Variants in BMPR2 observed in about 807,000 individuals in gnomAD.
BMPR2 encodes bone morphogenetic protein receptor type-2.
In BMPR2, 29 loss-of-function variants were observed where a neutral mutation model predicts 100.8. That is an observed-to-expected ratio of 0.29 (90% CI 0.21 to 0.39). The LOEUF is 0.39. BMPR2 is among the 10% of genes least tolerant of loss of function. BMPR2 has a pLI of 1.00. For missense variants in BMPR2, 1,011 were observed against 1,274.5 expected (o/e 0.79, Z 3.15); for synonymous variants, 382 against 442.3 (o/e 0.86, Z 1.71).
chr2:202,529,106 T>C (rs1206625956), intron 7 of BMPR2, among the ~76,000 whole-genome samples: 1 of 152,234 alleles, frequency 6.6e-6, no homozygotes, highest in East Asian at 1.9e-4. Context: ...AAAAAATAGA[T>C]ATAGACAACT....
chr2:202,497,897 T>G (rs193088097), intron 3 of BMPR2, among the ~76,000 whole-genome samples: 1 of 152,278 alleles, frequency 6.6e-6, no homozygotes, highest in Admixed American at 6.5e-5. Context: ...AGACATAATT[T>G]TTGCCCAAAG....
At chr2:202,477,120 CTG>C (rs1453303376) in intron 3 of BMPR2, among the ~76,000 whole-genome samples, 1 of 152,108 alleles carries the variant, frequency 6.6e-6, no homozygotes, top group African/African-American at 2.4e-5. Context: ...TATTTAGCCT[CTG>C]TGCATCAATT....
rs189607438 is a variant in BMPR2, at chr2:202,523,770, C to T, written c.967+3569C>T. ...GGTGAGCCAAGATCGTGCCATTGCACTCCAGCCTGGGCAGCAAGAGTGAAA... is the reference window on the plus strand; with the variant it reads ...GGTGAGCCAAGATCGTGCCATTGCATTCCAGCCTGGGCAGCAAGAGTGAAA... On this transcript the variant is annotated intron_variant, in intron 7 of 12. Coordinates refer to ENST00000374580, the MANE Select transcript of BMPR2 (RefSeq NM_001204.7). Among the ~76,000 whole-genome samples the T allele has an allele frequency of 1.3e-3, 203 of 152,186 alleles. 1 individual carries two copies. Among genetic ancestry groups the T allele is most frequent in the African/African-American group, 4.5e-3 (187 of 41,516 alleles).
At chr2:202,383,478 C>T (rs376505777) in intron 1 of BMPR2, among the ~76,000 whole-genome samples, 1 of 151,930 alleles carries the variant, frequency 6.6e-6, no homozygotes, top group Non-Finnish European at 1.5e-5. Flanking sequence ...GTCAGGAGTT[C>T]GAGACCAACC....
In BMPR2 at chr2:202,561,336, T is replaced by C. The variant is rs777649632; in HGVS notation, c.*1390T>C. On this transcript the variant is annotated 3_prime_UTR_variant, in exon 13 of 13. Transcript: ENST00000374580. ...CATTATCTTTGATATGTGAGCAACA[T>C]TTATTATTTACATTAGAGTATACCT... 15 of 152,162 alleles carry C rather than the reference T, an allele frequency of 9.9e-5. No individual in the cohort carries two copies. Among genetic ancestry groups the C allele is most frequent in the Non-Finnish European group, 1.9e-4 (13 of 67,992 alleles). The allele number at this position is 152,162 out of a possible 1,614,324, so 9.4% of individuals were successfully genotyped here. A position where few individuals can be genotyped will look rare whatever the true frequency, so the allele number is the denominator to read the frequency against.
intron 1 of BMPR2, among the ~76,000 whole-genome samples, chr2:202,428,395 T>C (rs1175470727): frequency 6.9e-6 from 1 of 144,024 alleles, no homozygotes; most frequent in Admixed American, 7.0e-5. Flanking sequence ...TCTCTCTCTC[T>C]TTCTCTCTCT....
At position 202,555,749 on chromosome 2, in the gene BMPR2, G is replaced by T. The variant is rs75854140; in HGVS notation, c.2084G>T (p.Gly695Val). 5.6e-6 allele frequency: 9 copies of T among 1,614,012 alleles called. No individual in the cohort carries two copies. Among genetic ancestry groups the T allele is most frequent in the Non-Finnish European group, 7.6e-6 (9 of 1,179,998 alleles). The change falls in exon 12 of 13, where the codon GGC becomes GTC. Residue 695 changes from glycine to valine, a missense_variant. Gly to Val is a moderately radical substitution (Grantham distance 109). Transcript: ENST00000374580. ...GAGCACTCTCTTAAACAGTTCAGTG[G>T]CCCAGACCCACTGAGCAGTACTAGT... ...LMEHSLKQFS[G>V]PDPLSSTSSS...
chr2:202,543,810 G>A (rs1407614932), intron 10 of BMPR2, among the ~76,000 whole-genome samples: 1 of 152,002 alleles, frequency 6.6e-6, no homozygotes, highest in African/African-American at 2.4e-5. Context: ...GATTATGTAA[G>A]CATTCACTGC....
chr2:202,540,335 G>A (rs1231489947), intron 9 of BMPR2, among the ~76,000 whole-genome samples: 2 of 152,138 alleles, frequency 1.3e-5, no homozygotes, highest in African/African-American at 4.8e-5. Flanking sequence ...GCAATTCACA[G>A]ATGGTATAGG....
At position 202,556,547 on chromosome 2, in the gene BMPR2, A is replaced by T. The variant is rs1259971217; in HGVS notation, c.2866+16A>T. On this transcript the variant is annotated intron_variant, in intron 12 of 12. Transcript: ENST00000374580. Reference sequence around the variant, plus strand: ...AGTATACAGAGTAAGTGGAGGGATCATATAATCTCTCCTGTGTGTCTTTTG... The same window carrying T: ...AGTATACAGAGTAAGTGGAGGGATCTTATAATCTCTCCTGTGTGTCTTTTG... 6.2e-7 allele frequency: 1 copy of T among 1,609,384 alleles called. No individual in the cohort carries two copies. Among genetic ancestry groups the T allele is most frequent in the Non-Finnish European group, 8.5e-7 (1 of 1,179,708 alleles).
chr2:202,431,959 T>C (rs1691513447), intron 1 of BMPR2, among the ~76,000 whole-genome samples: 1 of 150,676 alleles, frequency 6.6e-6, no homozygotes, highest in Non-Finnish European at 1.5e-5. Context: ...CATTGTTAAG[T>C]TTCTTACGTT....
At chr2:202,426,552 G>C (rs1691388406) in intron 1 of BMPR2, among the ~76,000 whole-genome samples, 1 of 133,680 alleles carries the variant, frequency 7.5e-6, no homozygotes, top group Non-Finnish European at 1.5e-5. Context: ...CTGGGCGACA[G>C]AGCAAGTCTC....
chr2:202,436,746 C>A (rs944884810), intron 1 of BMPR2, among the ~76,000 whole-genome samples: 2 of 150,448 alleles, frequency 1.3e-5, no homozygotes, highest in Admixed American at 1.3e-4. Context: ...GGTCCTATTC[C>A]TAGAAAATGA....
intron 9 of BMPR2, among the ~76,000 whole-genome samples, chr2:202,541,654 G>A (rs1004867623): frequency 1.3e-5 from 2 of 152,044 alleles, no homozygotes; most frequent in Non-Finnish European, 2.9e-5. Context: ...TGGGATCAGT[G>A]TTCAGGCATG....
At chr2:202,430,731 A>G (rs183525835) in intron 1 of BMPR2, among the ~76,000 whole-genome samples, 2,105 of 146,328 alleles carry the variant, frequency 0.014, 89 homozygotes, top group African/African-American at 0.056. Context: ...AAGCTGAGGC[A>G]GGTGGATCAC....
At chr2:202,517,976 CT>C (rs67110605) in intron 5 of BMPR2, among the ~76,000 whole-genome samples, 33,597 of 88,416 alleles carry the variant, frequency 0.38, 4,663 homozygotes, top group African/African-American at 0.42. Context: ...CCACGCCTGA[CT>C]TTTTTTTTTT....
At chr2:202,383,077 A>G (rs1344975380) in intron 1 of BMPR2, among the ~76,000 whole-genome samples, 2 of 152,204 alleles carry the variant, frequency 1.3e-5, no homozygotes, top group Admixed American at 6.5e-5. Flanking sequence ...GGTAAACATT[A>G]GGAACAAACA....
At chr2:202,468,135 T>C (rs1692363368) in intron 3 of BMPR2, among the ~76,000 whole-genome samples, 2 of 152,070 alleles carry the variant, frequency 1.3e-5, no homozygotes, top group African/African-American at 2.4e-5. Context: ...CCGAAAGCGA[T>C]GCACCAGGAC....
At chr2:202,477,467 A>C (rs1472433131) in intron 3 of BMPR2, among the ~76,000 whole-genome samples, 1 of 152,006 alleles carries the variant, frequency 6.6e-6, no homozygotes, top group East Asian at 1.9e-4. Context: ...AACACATACT[A>C]TTTCCTGCAT....
Sources: allele counts gnomAD v4.1 joint callset (sites outside exome capture counted in the v4.1 genomes callset), GRCh38; gene constraint gnomAD v4.1.1; transcripts MANE v1.5; gene names NCBI Gene and HGNC (gene_info 2026-07-23, HGNC 2026-07-21).